TMEM116: variants seen among roughly 807,000 people sequenced by gnomAD.
The protein encoded by TMEM116 is transmembrane protein 116.
TMEM116 carries 38 observed loss-of-function variants against 44.3 expected under a neutral mutation model. The observed-to-expected ratio is 0.86, with a 90% CI of 0.66 to 1.12. TMEM116 has a LOEUF of 1.12. Among genes scored for constraint, TMEM116 ranks in the 50% most tolerant of loss-of-function variants. The pLI, the probability that TMEM116 is intolerant of heterozygous loss-of-function variation, is 0.00. For missense variants in TMEM116, 354 were observed against 401.7 expected (o/e 0.88, Z 1.01); for synonymous variants, 132 against 144.8 (o/e 0.91, Z 0.64).
chr12:111,957,435 C>A (rs7965368), intron 4 of TMEM116, among the ~76,000 whole-genome samples: 1 of 151,142 alleles, frequency 6.6e-6, no homozygotes, highest in Non-Finnish European at 1.5e-5. Context: ...CGCCCGGCAG[C>A]CACCCCGTCT....
intron 4 of TMEM116, among the ~76,000 whole-genome samples, chr12:111,972,319 TAA>T (rs1339533036): frequency 6.6e-6 from 1 of 152,130 alleles, no homozygotes; most frequent in African/African-American, 2.4e-5. Context: ...ATGTACCTAA[TAA>T]AAGAGATTCA....
chr12:111,984,294 T>C (rs570340403), intron 4 of TMEM116, among the ~76,000 whole-genome samples: 13 of 152,268 alleles, frequency 8.5e-5, no homozygotes, highest in African/African-American at 2.6e-4. Flanking sequence ...GAGATCATTA[T>C]ATTAAGTGAA....
At chr12:111,988,864 C>T (rs923332498) in intron 4 of TMEM116, among the ~76,000 whole-genome samples, 4 of 141,192 alleles carry the variant, frequency 2.8e-5, no homozygotes, top group South Asian at 2.3e-4. Context: ...TGGTGGCGGG[C>T]GCCTGTAATC....
chr12:111,932,329 T>C (rs2071720111), intron 10 of TMEM116, among the ~76,000 whole-genome samples: 1 of 152,172 alleles, frequency 6.6e-6, no homozygotes, highest in Admixed American at 6.5e-5. Context: ...TGCCCATTCC[T>C]TAAAAACACA....
intron 4 of TMEM116, among the ~76,000 whole-genome samples, chr12:111,977,919 T>C (rs2075754435): frequency 6.6e-6 from 1 of 151,504 alleles, no homozygotes; most frequent in Non-Finnish European, 1.5e-5. Context: ...ATAATTGATA[T>C]GCTAAGAAAA....
intron 4 of TMEM116, among the ~76,000 whole-genome samples, chr12:111,954,323 CCT>C: frequency 6.6e-6 from 1 of 151,982 alleles, no homozygotes; most frequent in East Asian, 1.9e-4. Context: ...AGATGCAGAC[CCT>C]GTTTTCTATT....
chr12:111,962,970 A>G (rs893957500), intron 4 of TMEM116, among the ~76,000 whole-genome samples: 5 of 152,228 alleles, frequency 3.3e-5, no homozygotes, highest in African/African-American at 9.6e-5. Flanking sequence ...AATTTATAAG[A>G]ACAAAACAAC....
At chr12:111,952,995 T>G (rs555584437) in intron 4 of TMEM116, among the ~76,000 whole-genome samples, 1 of 152,308 alleles carries the variant, frequency 6.6e-6, no homozygotes, top group African/African-American at 2.4e-5. Context: ...TCAAAACTAT[T>G]ATGTGAAATG....
chr12:111,963,282 A>G (rs1316649144), intron 4 of TMEM116, among the ~76,000 whole-genome samples: 1 of 152,234 alleles, frequency 6.6e-6, no homozygotes, highest in African/African-American at 2.4e-5. Context: ...TCAAGGACCT[A>G]GAACCAGAAA....
intron 1 of TMEM116, among the ~76,000 whole-genome samples, chr12:112,009,535 TAAAAAA>T (rs35585213): frequency 7.9e-6 from 1 of 125,790 alleles, no homozygotes; most frequent in African/African-American, 2.9e-5. Context: ...TGGGTTTACT[TAAAAAA>T]AAAAAAAAAA....
chr12:111,994,920 T>C (rs2076846474), intron 3 of TMEM116, among the ~76,000 whole-genome samples: 1 of 152,130 alleles, frequency 6.6e-6, no homozygotes, highest in Non-Finnish European at 1.5e-5. Flanking sequence ...CCCTCATGTG[T>C]CTATTTATAG....
intron 4 of TMEM116, among the ~76,000 whole-genome samples, chr12:111,976,735 C>T (rs1356419297): frequency 6.6e-6 from 1 of 151,884 alleles, no homozygotes; most frequent in Non-Finnish European, 1.5e-5. Context: ...AAACAGACAA[C>T]ATGTAAGAAC....
In TMEM116 at chr12:111,937,244, C is replaced by T; in HGVS notation, c.366-1G>A. ...TGTCATCAATAGCAGAGGTATCAGG[C>T]TGGGAGGGAAAAAAAGTATCACCCT... On this transcript the variant is annotated splice_acceptor_variant, in intron 6 of 10. Coordinates refer to ENST00000552374, the MANE Select transcript of TMEM116 (RefSeq NM_001193531.2). LOFTEE classifies it high-confidence loss of function. The T allele has an allele frequency of 3.1e-6, 5 of 1,613,168 alleles. No individual in the cohort carries two copies. The highest frequency in any genetic ancestry group is 4.2e-6 in the Non-Finnish European group (5 of 1,179,326).
chr12:112,008,724 C>A (rs753553162), intron 1 of TMEM116, among the ~76,000 whole-genome samples: 4 of 152,136 alleles, frequency 2.6e-5, no homozygotes, highest in Non-Finnish European at 5.9e-5. Context: ...GTAATCCCAG[C>A]ACTTTGGGAG....
intron 4 of TMEM116, among the ~76,000 whole-genome samples, chr12:111,944,588 G>T (rs2073102260): frequency 6.6e-6 from 1 of 152,174 alleles, no homozygotes; most frequent in Non-Finnish European, 1.5e-5. Flanking sequence ...GGGAGGCCAA[G>T]GCAGCTAAAA....
At chr12:111,959,296 T>G (rs1348028899) in intron 4 of TMEM116, among the ~76,000 whole-genome samples, 1 of 152,132 alleles carries the variant, frequency 6.6e-6, no homozygotes, top group Non-Finnish European at 1.5e-5. Flanking sequence ...ACAAGCAAAT[T>G]CTGAGAGATT....
At chr12:112,009,683 C>CAAA (rs774025829) in intron 1 of TMEM116, among the ~76,000 whole-genome samples, 1 of 138,552 alleles carries the variant, frequency 7.2e-6, no homozygotes, top group Admixed American at 7.3e-5. Flanking sequence ...ACTAAAAATA[C>CAAA]AAAAAAAAAA....
rs2074336259 is a variant in TMEM116, at chr12:111,958,515, T to C, written c.211-15146A>G. On this transcript the variant is annotated intron_variant, in intron 4 of 10. Transcript: ENST00000552374. The stretch of plus-strand genomic sequence containing the variant: ...AATGAGTTTGATGAATTGACAGAAG[T>C]AGGCTTCAGAAGGTGGGTAATAACA... 2.0e-5 allele frequency among the ~76,000 whole-genome samples: 3 copies of C among 152,056 alleles called. No individual in the cohort carries two copies. In the South Asian group the frequency reaches 6.2e-4, roughly 32 times the overall value.
chr12:111,994,088 C>T (rs1023637104), intron 3 of TMEM116, among the ~76,000 whole-genome samples: 1 of 152,168 alleles, frequency 6.6e-6, no homozygotes. Flanking sequence ...TGGACTGAAA[C>T]TGCTTGTTGA....
Sources: allele counts gnomAD v4.1 joint callset (sites outside exome capture counted in the v4.1 genomes callset), GRCh38; gene constraint gnomAD v4.1.1; transcripts MANE v1.5; gene names NCBI Gene and HGNC (gene_info 2026-07-23, HGNC 2026-07-21).